Variants in TAS1R1 observed in about 807,000 individuals in gnomAD.
TAS1R1 encodes the protein taste 1 receptor member 1.
TAS1R1 carries 31 observed loss-of-function variants against 45.8 expected under a neutral mutation model. The ratio of observed to expected loss-of-function variants is 0.68; its 90% confidence interval spans 0.51 to 0.91. TAS1R1 has a LOEUF of 0.91. TAS1R1 is among the 40% of genes least tolerant of loss of function. TAS1R1 has a pLI of 0.00. For synonymous variants in TAS1R1, 437 were observed against 448.4 expected (o/e 0.97, Z 0.32); for missense variants, 1,051 against 1,063.9 (o/e 0.99, Z 0.17).
intron 1 of TAS1R1, among the ~76,000 whole-genome samples, chr1:6,559,800 G>A (rs1265909023): frequency 6.6e-6 from 1 of 151,826 alleles, no homozygotes; most frequent in Non-Finnish European, 1.5e-5. Context: ...AGACCAGCCT[G>A]GTCAACGTGT....
At chr1:6,570,022 GGGGAGAGAGAGAGA>G (rs1378931458) in intron 1 of TAS1R1, among the ~76,000 whole-genome samples, 3 of 6,320 alleles carry the variant, frequency 4.7e-4, no homozygotes, top group East Asian at 0.014. Context: ...AGGGAGGGAG[GGGGAGAGAGAGAGA>G]GAGAGAGAGA....
chr1:6,568,775 A>C (rs373588659), intron 1 of TAS1R1, among the ~76,000 whole-genome samples: 1 of 151,900 alleles, frequency 6.6e-6, no homozygotes, highest in Non-Finnish European at 1.5e-5. Flanking sequence ...GATTGGCGGC[A>C]TGTGCCTGTG....
intron 1 of TAS1R1, among the ~76,000 whole-genome samples, chr1:6,559,095 A>G (rs1179451992): frequency 1.3e-5 from 2 of 151,824 alleles, no homozygotes; most frequent in African/African-American, 2.4e-5. Context: ...GGGTTTCACC[A>G]TGTTAGCCAG....
intron 2 of TAS1R1, among the ~76,000 whole-genome samples, chr1:6,572,584 A>T (rs536948129): frequency 6.6e-6 from 1 of 152,050 alleles, no homozygotes; most frequent in African/African-American, 2.4e-5. Flanking sequence ...CAGTCCTCCT[A>T]TGAGAGTCTT....
chr1:6,559,436 T>C (rs1639743431), intron 1 of TAS1R1, among the ~76,000 whole-genome samples: 1 of 151,832 alleles, frequency 6.6e-6, no homozygotes, highest in Non-Finnish European at 1.5e-5. Context: ...GGTGGGTGGA[T>C]TGCCTGAGCT....
chr1:6,565,558 A>G (rs76055923), intron 1 of TAS1R1, among the ~76,000 whole-genome samples: 6,623 of 152,106 alleles, frequency 0.044, 482 homozygotes, highest in African/African-American at 0.15. Flanking sequence ...AGAGTGAAGG[A>G]CTGAGAAATG....
At chr1:6,555,656 C>A in intron 1 of TAS1R1, 92 bp downstream of exon 1, 2 of 1,248,684 alleles carry the variant, frequency 1.6e-6, no homozygotes, top group Non-Finnish European at 1.1e-6. Flanking sequence ...CTTGCCTCTG[C>A]CTTTGCCCCT....
At position 6,579,158 on chromosome 1, in the gene TAS1R1, G is replaced by A. The variant is rs1000024691; in HGVS notation, c.2100G>A (p.Val700=). ...QLLICLTWLV[V]WTPLPAREYQ... Reference sequence around the variant, plus strand: ...TTATCTGTCTAACTTGGCTGGTGGTGTGGACCCCACTGCCTGCTAGGGAAT... The same window carrying A: ...TTATCTGTCTAACTTGGCTGGTGGTATGGACCCCACTGCCTGCTAGGGAAT... The change falls in exon 6 of 6, where the codon GTG becomes GTA. Residue 700 remains valine, a synonymous_variant. Coordinates refer to ENST00000333172, the MANE Select transcript of TAS1R1 (RefSeq NM_138697.4). The A allele has an allele frequency of 3.1e-6, 5 of 1,614,114 alleles. No individual in the cohort carries two copies. In the African/African-American group the frequency reaches 6.7e-5, roughly 22 times the overall value.
rs749470671 is a variant in TAS1R1, at chr1:6,579,226, C to T, written c.2168C>T (p.Thr723Ile). The stretch of plus-strand genomic sequence containing the variant: ...CTGGTGATGCTTGAGTGCACAGAGA[C>T]CAACTCCCTGGGCTTCATACTGGCC... ...PHLVMLECTE[T>I]NSLGFILAFL... Residue 723 changes from threonine to isoleucine, a missense_variant, in exon 6 of 6, where the codon ACC becomes ATC. Thr to Ile is a moderately conservative substitution (Grantham distance 89). Coordinates refer to ENST00000333172, the MANE Select transcript of TAS1R1 (RefSeq NM_138697.4). The T allele has an allele frequency of 6.8e-6, 11 of 1,614,216 alleles. No homozygotes were observed. The South Asian group carries it at 9.9e-5, about 15-fold the overall frequency.
At chr1:6,575,966 T>C (rs1640161805) in intron 3 of TAS1R1, among the ~76,000 whole-genome samples, 1 of 152,162 alleles carries the variant, frequency 6.6e-6, no homozygotes, top group Non-Finnish European at 1.5e-5. Flanking sequence ...AGTGCTGGGA[T>C]TACAGGCGTG....
rs369830253 is a variant in TAS1R1 at position 6,561,408 on chromosome 1, T to C, written c.191+5844T>C. Among the ~76,000 whole-genome samples, 10 of 152,280 alleles carry C rather than the reference T, an allele frequency of 6.6e-5. No individual in the cohort carries two copies. In the East Asian group the frequency reaches 1.2e-3, roughly 18 times the overall value. On this transcript the variant is annotated intron_variant, in intron 1 of 5. Transcript: ENST00000333172. ...AACCTCAACAGTTTTGAAGTGACGC[T>C]ACTGCTAAAGAGTCTATCTGGGGCC...
intron 2 of TAS1R1, among the ~76,000 whole-genome samples, chr1:6,572,421 G>A (rs185968094): frequency 6.6e-6 from 1 of 151,908 alleles, no homozygotes; most frequent in Non-Finnish European, 1.5e-5. Flanking sequence ...CACCATGCCT[G>A]GCTAATTTTT....
intron 1 of TAS1R1, 64 bp from the exon 2 acceptor site, chr1:6,570,845 G>A: frequency 6.9e-7 from 1 of 1,446,878 alleles, no homozygotes; most frequent in Non-Finnish European, 9.4e-7. Flanking sequence ...CAGAGTCTAG[G>A]AGGCCAGAGG....
intron 1 of TAS1R1, among the ~76,000 whole-genome samples, chr1:6,559,532 G>A (rs963094105): frequency 6.6e-5 from 10 of 151,616 alleles, no homozygotes; most frequent in Admixed American, 1.3e-4. Flanking sequence ...GGTGGTAGGC[G>A]CCTGTAATCC....
rs959975283 is a variant in TAS1R1 at position 6,573,378 on chromosome 1, A to G, written c.499-1253A>G. 3.3e-5 allele frequency among the ~76,000 whole-genome samples: 5 copies of G among 152,068 alleles called. No individual in the cohort carries two copies. In the East Asian group the frequency reaches 9.8e-4, roughly 30 times the overall value. Reference sequence around the variant, plus strand: ...AGGCTGAGGCAGGAGAATTTCTTGAACCCAGGAGGCAGGGGTTGCAGTGAG... The same window carrying G: ...AGGCTGAGGCAGGAGAATTTCTTGAGCCCAGGAGGCAGGGGTTGCAGTGAG... On this transcript the variant is annotated intron_variant, in intron 2 of 5. Coordinates refer to ENST00000333172, the MANE Select transcript of TAS1R1 (RefSeq NM_138697.4).
At position 6,555,568 on chromosome 1, in the gene TAS1R1, AG is replaced by A; in HGVS notation, c.191+5del. The A allele has an allele frequency of 6.5e-7, 1 of 1,543,598 alleles. No individual in the cohort carries two copies. Among genetic ancestry groups the A allele is most frequent in the Non-Finnish European group, 8.8e-7 (1 of 1,140,780 alleles). ...CCGAGGTGACCCTGTGTGACAGGTG[AG>A]TGAGGGGCCAGCAGAGCCACACTTA... On this transcript the variant is annotated splice_donor_5th_base_variant and intron_variant, in intron 1 of 5. Coordinates refer to ENST00000333172, the MANE Select transcript of TAS1R1 (RefSeq NM_138697.4).
chr1:6,576,854 C>A (rs1341670169), intron 4 of TAS1R1, 96 bp from the exon 5 acceptor site: 1 of 1,584,962 alleles, frequency 6.3e-7, no homozygotes, highest in African/African-American at 1.3e-5. Context: ...GGGAGTGAGC[C>A]CTGAGGGCAG....
At position 6,576,625 on chromosome 1, in the gene TAS1R1, C is replaced by G. The variant is rs1330590349; in HGVS notation, c.1471C>G (p.Gln491Glu). ...AATCCAGTGGCACGGAAAGGACAAC[C>G]AGGTAATGGGGATGTGGCTACTCAC... is the stretch of plus-strand genomic sequence containing the variant. ...TKIQWHGKDN[Q>E]VPKSVCSSDC... is the part of the protein sequence containing the mutation. Residue 491 changes from glutamine to glutamate, a missense_variant and splice_region_variant, in exon 4 of 6, where the codon CAG becomes GAG. Transcript: ENST00000333172. 6.2e-7 allele frequency: 1 copy of G among 1,613,052 alleles called. No homozygotes were observed. Among genetic ancestry groups the G allele is most frequent in the Non-Finnish European group, 8.5e-7 (1 of 1,179,420 alleles).
chr1:6,562,389 C>G (rs1476535022), intron 1 of TAS1R1, among the ~76,000 whole-genome samples: 2 of 152,170 alleles, frequency 1.3e-5, no homozygotes, highest in African/African-American at 4.8e-5. Context: ...AGGATGGTCT[C>G]AATCTCCCAA....
Sources: allele counts gnomAD v4.1 joint callset (sites outside exome capture counted in the v4.1 genomes callset), GRCh38; gene constraint gnomAD v4.1.1; transcripts MANE v1.5; gene names NCBI Gene and HGNC (gene_info 2026-07-23, HGNC 2026-07-21).